Variants in NOP9 observed in about 807,000 individuals in gnomAD.
NOP9 encodes the protein nucleolar protein 9.
A neutral mutation model predicts 63.0 loss-of-function variants in NOP9; 50 were observed. The ratio of observed to expected loss-of-function variants is 0.79; its 90% confidence interval spans 0.63 to 1.00. NOP9 has a LOEUF of 1.00. Among genes scored for constraint, NOP9 ranks in the 50% least tolerant of loss-of-function variants. The pLI is 0.00. For missense variants in NOP9, 758 were observed against 803.0 expected (o/e 0.94, Z 0.68); for synonymous variants, 343 against 332.8 (o/e 1.03, Z -0.33).
the NOP9 span, among the ~76,000 whole-genome samples, chr14:24,283,434 C>CAAA: frequency 8.2e-6 from 1 of 121,446 alleles, no homozygotes; most frequent in Non-Finnish European, 1.8e-5. Flanking sequence ...ACTAAAAATA[C>CAAA]AAAAAAAAAA....
upstream of NOP9, among the ~76,000 whole-genome samples, chr14:24,298,018 A>G (rs1367183602): frequency 6.6e-6 from 1 of 152,014 alleles, no homozygotes; most frequent in Non-Finnish European, 1.5e-5. Context: ...TCTGTACCTG[A>G]CTTCCTGTTG....
At chr14:24,280,986 T>G in the NOP9 span, among the ~76,000 whole-genome samples, 7 of 152,148 alleles carry the variant, frequency 4.6e-5, no homozygotes, top group Non-Finnish European at 1.0e-4. Context: ...AAGCTCAGAA[T>G]TCAGTGTAAA....
rs1333290349 is a variant in NOP9, at chr14:24,306,347, G to A, written c.*1252G>A. The A allele has an allele frequency of 6.2e-7, 1 of 1,613,946 alleles. No homozygotes were observed. Among genetic ancestry groups the A allele is most frequent in the South Asian group, 1.1e-5 (1 of 91,080 alleles). On this transcript the variant is annotated 3_prime_UTR_variant, in exon 10 of 10. Coordinates refer to ENST00000267425, the MANE Select transcript of NOP9 (RefSeq NM_174913.3). ...GGAAAGCTCTAAAGGACAGGCATTG[G>A]AAGCAGCCCCAGTATAGGCCTCTTA... is the stretch of plus-strand genomic sequence containing the variant.
the NOP9 span, chr14:24,294,273 T>C: frequency 6.6e-6 from 1 of 151,950 alleles, no homozygotes; most frequent in Non-Finnish European, 1.5e-5. Flanking sequence ...CAAAGATACA[T>C]GTATATTTCT....
In NOP9 at chr14:24,300,721, C is replaced by T. The variant is rs1277536572; in HGVS notation, c.561C>T (p.Ala187=). 1 of 1,613,898 alleles carries T rather than the reference C, an allele frequency of 6.2e-7. No individual in the cohort carries two copies. The highest frequency in any genetic ancestry group is 1.7e-5 in the Admixed American group (1 of 59,986). ...ETLEELVLGL[A]AEVCDDFLVY... ...TGGAGGAGCTGGTCCTGGGACTAGC[C>T]GCTGAGGTGTGTGATGATTTTCTTG... Residue 187 remains alanine (A), a synonymous_variant, in exon 2 of 10, where the codon GCC becomes GCT. Coordinates refer to ENST00000267425, the MANE Select transcript of NOP9 (RefSeq NM_174913.3).
chr14:24,301,451 G>GATAGAA (rs1262261087), intron 2 of NOP9, 161 bp from the exon 3 acceptor site: 4 of 410,554 alleles, frequency 9.7e-6, no homozygotes, highest in Non-Finnish European at 1.3e-5. Context: ...GAAAAATTAA[G>GATAGAA]ACAGAAATGT....
rs141107776 is a variant in NOP9 at position 24,304,193 on chromosome 14, C to T, written c.1563C>T (p.Pro521=). 1.4e-5 allele frequency: 23 copies of T among 1,614,130 alleles called. No individual in the cohort carries two copies. The highest frequency in any genetic ancestry group is 1.6e-4 in the Middle Eastern group (1 of 6,084). Residue 521 remains proline, a synonymous_variant, in exon 8 of 10, where the codon CCC becomes CCT. Transcript: ENST00000267425. ...GPQLLSLAQS[P]AGSHVLDAIL... ...AGCTTCTGTCCCTTGCCCAAAGTCC[C>T]GCTGGCTCTCATGTGCTCGATGCCA...
chr14:24,278,117 C>T, the NOP9 span, among the ~76,000 whole-genome samples: 2 of 152,106 alleles, frequency 1.3e-5, no homozygotes, highest in Admixed American at 6.6e-5. Context: ...CAGAGCACAG[C>T]GTTATAGCGA....
the NOP9 span, among the ~76,000 whole-genome samples, chr14:24,274,198 T>C: frequency 1.2e-4 from 19 of 152,218 alleles, no homozygotes; most frequent in African/African-American, 4.6e-4. Context: ...AACCAGATAC[T>C]TGGGAACACA....
chr14:24,277,231 G>A, the NOP9 span, among the ~76,000 whole-genome samples: 1 of 152,168 alleles, frequency 6.6e-6, no homozygotes, highest in Non-Finnish European at 1.5e-5. Context: ...GCGTGGGGAG[G>A]GATGGTTGCA....
rs2139115056 is a variant in NOP9 at position 24,300,585 on chromosome 14, G to A, written c.425G>A (p.Gly142Glu). Residue 142 changes from glycine to glutamate, a missense_variant, in exon 2 of 10, where the codon GGG becomes GAG. Gly to Glu is a moderately conservative substitution (Grantham distance 98). Transcript: ENST00000267425. ...CGCACTGTGGCCTGTCACCGATGCG[G>A]GGTCCATGTATTACAAAGTGCTTTG... ...NLRTVACHRC[G>E]VHVLQSALLQ... 1 of 1,614,194 alleles carries A rather than the reference G, an allele frequency of 6.2e-7. No homozygotes were observed. Among genetic ancestry groups the A allele is most frequent in the Non-Finnish European group, 8.5e-7 (1 of 1,180,048 alleles).
intron 5 of NOP9, 67 bp downstream of exon 5, chr14:24,302,491 CTGT>C: frequency 2.1e-6 from 3 of 1,441,682 alleles, no homozygotes; most frequent in Non-Finnish European, 2.8e-6. Flanking sequence ...ATTTTATGGT[CTGT>C]CTGCCTCTAT....
chr14:24,292,712 GA>G, the NOP9 span: 2 of 1,614,202 alleles, frequency 1.2e-6, no homozygotes, highest in Non-Finnish European at 1.7e-6. Context: ...CTGGGGAGGA[GA>G]TGACCACGAT....
chr14:24,301,197 C>T (rs1162937783), intron 2 of NOP9, among the ~76,000 whole-genome samples: 1 of 152,086 alleles, frequency 6.6e-6, no homozygotes, highest in Non-Finnish European at 1.5e-5. Flanking sequence ...CTACATGCAG[C>T]CCACTCTGTT....
rs1160765061 is a variant in NOP9, at chr14:24,302,080, T to A, written c.924T>A (p.Ser308Arg). The A allele has an allele frequency of 6.2e-7, 1 of 1,613,906 alleles. No homozygotes were observed. Residue 308 changes from serine to arginine, a missense_variant, in exon 4 of 10, where the codon AGT (serine) becomes AGA (arginine). By Grantham distance (110) the Ser-to-Arg change is moderately radical. Transcript: ENST00000267425. ...HLCNAVIGYL[S>R]TRGSSVDGSP... is the part of the protein sequence containing the mutation. ...GCAATGCTGTGATTGGCTACCTGAG[T>A]ACTCGCGGTTCCTCAGTAGATGGCA...
At chr14:24,298,745 C>CA, upstream of NOP9, 1 of 602,844 alleles carries the variant, frequency 1.7e-6, no homozygotes, top group East Asian at 3.3e-5. Flanking sequence ...ATGCCTGGCT[C>CA]AAACACAAAG....
upstream of NOP9, among the ~76,000 whole-genome samples, chr14:24,298,249 G>A (rs1260054734): frequency 6.6e-6 from 1 of 152,120 alleles, no homozygotes; most frequent in Non-Finnish European, 1.5e-5. Flanking sequence ...ACTGGGTCTA[G>A]CTATGTTGCC....
At chr14:24,278,910 T>G in the NOP9 span, among the ~76,000 whole-genome samples, 1 of 152,060 alleles carries the variant, frequency 6.6e-6, no homozygotes, top group Non-Finnish European at 1.5e-5. Flanking sequence ...AGGGAAGACA[T>G]GAAGATACTG....
At chr14:24,283,350 A>G in the NOP9 span, among the ~76,000 whole-genome samples, 4 of 151,756 alleles carry the variant, frequency 2.6e-5, no homozygotes, top group Admixed American at 2.0e-4. Context: ...GCACTTTGGG[A>G]GGCTGAGGCG....
Sources: allele counts gnomAD v4.1 joint callset (sites outside exome capture counted in the v4.1 genomes callset), GRCh38; gene constraint gnomAD v4.1.1; transcripts MANE v1.5; gene names NCBI Gene and HGNC (gene_info 2026-07-23, HGNC 2026-07-21).